ANKHD1: variants seen among roughly 807,000 people sequenced by gnomAD.
ANKHD1 encodes the protein ankyrin repeat and KH domain-containing protein 1.
ANKHD1 carries 31 observed loss-of-function variants against 230.5 expected under a neutral mutation model. The ratio of observed to expected loss-of-function variants is 0.13; its 90% CI spans 0.10 to 0.18. ANKHD1 has a LOEUF of 0.18. Among genes scored for constraint, ANKHD1 ranks in the 10% least tolerant of loss-of-function variants. The probability of loss-of-function intolerance (pLI) is 1.00; values close to 1 mark genes in which losing one functional copy is unlikely to be tolerated. For synonymous variants in ANKHD1, 1,074 were observed against 1,117.6 expected, an observed-to-expected ratio of 0.96 and a Z score of 0.78; for missense variants, 2,256 against 3,071.3, an observed-to-expected ratio of 0.73 and a Z score of 6.27.
At chr5:140,427,333 C>G (rs1402109450) in intron 1 of ANKHD1, among the ~76,000 whole-genome samples, 14 of 143,006 alleles carry the variant, frequency 9.8e-5, no homozygotes, top group Non-Finnish European at 1.9e-4. Flanking sequence ...CCGACCCCCC[C>G]ACCTCCCTCC....
intron 9 of ANKHD1, among the ~76,000 whole-genome samples, chr5:140,464,329 T>C (rs1233445225): frequency 6.6e-6 from 1 of 152,010 alleles, no homozygotes; most frequent in Non-Finnish European, 1.5e-5. Flanking sequence ...TACCACAATA[T>C]CCATAGAACT....
intron 1 of ANKHD1, among the ~76,000 whole-genome samples, chr5:140,423,763 T>G (rs1401703488): frequency 6.6e-6 from 1 of 152,200 alleles, no homozygotes; most frequent in East Asian, 1.9e-4. Context: ...TGCACTCCAC[T>G]ATGATGAATG....
At chr5:140,456,060 T>C (rs1775158908) in intron 7 of ANKHD1, among the ~76,000 whole-genome samples, 1 of 152,114 alleles carries the variant, frequency 6.6e-6, no homozygotes, top group East Asian at 1.9e-4. Context: ...AGCATTCTTA[T>C]ACACCAATAA....
chr5:140,453,703 C>A (rs1397783981), intron 7 of ANKHD1, among the ~76,000 whole-genome samples: 1 of 152,064 alleles, frequency 6.6e-6, no homozygotes, highest in Non-Finnish European at 1.5e-5. Flanking sequence ...TAAAAGAGCT[C>A]CTGAAGGAAG....
chr5:140,496,459 T>TTA, intron 14 of ANKHD1, 61 bp from the exon 15 acceptor site: 1 of 1,185,562 alleles, frequency 8.4e-7, no homozygotes, highest in Non-Finnish European at 1.1e-6. Context: ...TTTTTTTCTT[T>TTA]TCTTTTTTTT....
At chr5:140,416,218 T>G (rs1243670284) in intron 1 of ANKHD1, among the ~76,000 whole-genome samples, 1 of 152,230 alleles carries the variant, frequency 6.6e-6, no homozygotes, top group African/African-American at 2.4e-5. Flanking sequence ...TCCAAGTCTT[T>G]GCTATTGTGA....
At chr5:140,483,582 C>T (rs910499595) in intron 11 of ANKHD1, among the ~76,000 whole-genome samples, 3 of 151,496 alleles carry the variant, frequency 2.0e-5, no homozygotes, top group Non-Finnish European at 4.4e-5. Context: ...CTCAGCCTCC[C>T]GACTAGCTGG....
chr5:140,486,518 T>G (rs1290407173), intron 13 of ANKHD1: 1 of 153,104 alleles, frequency 6.5e-6, no homozygotes, highest in Non-Finnish European at 1.5e-5. Flanking sequence ...TACTAGTATA[T>G]TAAGTTGGTG....
At chr5:140,438,762 A>G (rs769124621) in intron 3 of ANKHD1, 145 bp downstream of exon 3, 3 of 1,135,416 alleles carry the variant, frequency 2.6e-6, no homozygotes, top group Non-Finnish European at 3.5e-6. Flanking sequence ...ATATAAATGT[A>G]TATGTATTAT....
In ANKHD1 at chr5:140,458,730, C is replaced by T; in HGVS notation, c.1348C>T (p.His450Tyr). The T allele has an allele frequency of 6.2e-7, 1 of 1,613,164 alleles. No homozygotes were observed. The highest frequency in any genetic ancestry group is 8.5e-7 in the Non-Finnish European group (1 of 1,179,736). ...SPLTLAACGG[H>Y]VELAALLIER... ...ATTGACGCTAGCTGCCTGTGGAGGA[C>T]ATGTTGAATTGGCAGCTCTACTTAT... Residue 450 changes from histidine (H) to tyrosine (Y), a missense_variant, in exon 8 of 34, where the codon CAT becomes TAT. His to Tyr is a moderately conservative substitution (Grantham distance 83). Transcript: ENST00000360839.
At chr5:140,481,115 C>G (rs1231327436) in intron 10 of ANKHD1, among the ~76,000 whole-genome samples, 1 of 151,810 alleles carries the variant, frequency 6.6e-6, no homozygotes, top group Non-Finnish European at 1.5e-5. Flanking sequence ...AGTTGTGAGG[C>G]AGGAAGGGAA....
At chr5:140,422,787 G>A (rs1358004944) in intron 1 of ANKHD1, among the ~76,000 whole-genome samples, 2 of 147,188 alleles carry the variant, frequency 1.4e-5, no homozygotes, top group Admixed American at 1.4e-4. Context: ...TCCAGCCTGG[G>A]TGACGGAGCA....
intron 22 of ANKHD1, among the ~76,000 whole-genome samples, chr5:140,511,335 G>C (rs1020369990): frequency 2.0e-5 from 3 of 152,138 alleles, no homozygotes; most frequent in African/African-American, 7.2e-5. Flanking sequence ...TACTGGCCTA[G>C]AATGCACTAA....
intron 1 of ANKHD1, among the ~76,000 whole-genome samples, chr5:140,409,700 G>T (rs1466061916): frequency 1.3e-5 from 2 of 151,854 alleles, no homozygotes; most frequent in Non-Finnish European, 2.9e-5. Context: ...CTACAGGCCC[G>T]TGCCACCACG....
chr5:140,492,874 AC>A (rs1479327654), intron 14 of ANKHD1, among the ~76,000 whole-genome samples: 5 of 152,196 alleles, frequency 3.3e-5, no homozygotes, highest in Non-Finnish European at 7.4e-5. Flanking sequence ...CCAATAAAAA[AC>A]TAAATATTTG....
At chr5:140,449,764 G>C (rs1774565944) in intron 7 of ANKHD1, among the ~76,000 whole-genome samples, 1 of 144,878 alleles carries the variant, frequency 6.9e-6, no homozygotes. Flanking sequence ...TTTTGGAATA[G>C]AACAGTCAAA....
intron 1 of ANKHD1, among the ~76,000 whole-genome samples, chr5:140,404,409 T>G (rs1770240535): frequency 6.7e-6 from 1 of 149,338 alleles, no homozygotes; most frequent in African/African-American, 2.5e-5. Context: ...CTCATTTGCC[T>G]TTTTTTTTAA....
intron 5 of ANKHD1, among the ~76,000 whole-genome samples, chr5:140,444,137 G>C (rs1774093720): frequency 7.0e-6 from 1 of 143,246 alleles, no homozygotes; most frequent in Non-Finnish European, 1.5e-5. Context: ...AGAAGGAAGG[G>C]ATTATTATAT....
At chr5:140,425,556 G>C (rs1052782983) in intron 1 of ANKHD1, among the ~76,000 whole-genome samples, 6 of 150,220 alleles carry the variant, frequency 4.0e-5, no homozygotes, top group African/African-American at 1.5e-4. Flanking sequence ...ACTGCCCCAG[G>C]CCTCTTTTCT....
Sources: allele counts gnomAD v4.1 joint callset (sites outside exome capture counted in the v4.1 genomes callset), GRCh38; gene constraint gnomAD v4.1.1; transcripts MANE v1.5; gene names NCBI Gene and HGNC (gene_info 2026-07-23, HGNC 2026-07-21).